Variants in LHFPL3 observed in about 807,000 individuals in gnomAD.
LHFPL3 encodes LHFPL tetraspan subfamily member 3, also known as LHFPL tetraspan subfamily member 3 protein.
A neutral mutation model predicts 19.3 loss-of-function variants in LHFPL3; 5 were observed. That is an observed-to-expected ratio of 0.26 (90% CI 0.14 to 0.54). LHFPL3 has a LOEUF of 0.54. Among genes scored for constraint, LHFPL3 ranks in the 20% least tolerant of loss-of-function variants. LHFPL3 has a pLI of 0.94. For synonymous variants in LHFPL3, 133 were observed against 126.2 expected, an observed-to-expected ratio of 1.05 and a Z score of -0.36; for missense variants, 249 against 307.4, an observed-to-expected ratio of 0.81 and a Z score of 1.42.
intron 1 of LHFPL3, among the ~76,000 whole-genome samples, chr7:104,339,968 A>G (rs1789914080): frequency 6.6e-6 from 1 of 152,182 alleles, no homozygotes; most frequent in African/African-American, 2.4e-5. Context: ...GGTGGTGAAG[A>G]TGGACAGAGT....
At chr7:104,456,871 G>A (rs1792552248) in intron 1 of LHFPL3, among the ~76,000 whole-genome samples, 2 of 152,152 alleles carry the variant, frequency 1.3e-5, no homozygotes, top group African/African-American at 4.8e-5. Context: ...CTACTTAGGT[G>A]CACCATTTAA....
At chr7:104,494,883 TA>T (rs964771659) in intron 1 of LHFPL3, among the ~76,000 whole-genome samples, 10 of 151,976 alleles carry the variant, frequency 6.6e-5, no homozygotes, top group African/African-American at 9.7e-5. Context: ...GGGGTACAAA[TA>T]CTAGATCCCC....
At chr7:104,589,867 C>A (rs1037668415) in intron 1 of LHFPL3, among the ~76,000 whole-genome samples, 2 of 152,136 alleles carry the variant, frequency 1.3e-5, no homozygotes, top group African/African-American at 2.4e-5. Context: ...AGGAATTTAT[C>A]CATTTCTTCT....
intron 1 of LHFPL3, among the ~76,000 whole-genome samples, chr7:104,468,585 C>G (rs1244592000): frequency 6.6e-6 from 1 of 151,784 alleles, no homozygotes; most frequent in Non-Finnish European, 1.5e-5. Context: ...GAGTTGCATA[C>G]AGCATATTTT....
At chr7:104,831,038 G>C (rs1304266954) in intron 2 of LHFPL3, among the ~76,000 whole-genome samples, 1 of 151,744 alleles carries the variant, frequency 6.6e-6, no homozygotes, top group African/African-American at 2.4e-5. Flanking sequence ...ACTCTTCCTT[G>C]GAAAAGGACT....
intron 1 of LHFPL3, among the ~76,000 whole-genome samples, chr7:104,390,351 C>A (rs1006236087): frequency 6.6e-6 from 1 of 151,384 alleles, no homozygotes; most frequent in Non-Finnish European, 1.5e-5. Flanking sequence ...CCCCACCCCA[C>A]AACAGGCCCC....
At chr7:104,346,712 T>C (rs1790073995) in intron 1 of LHFPL3, among the ~76,000 whole-genome samples, 1 of 152,006 alleles carries the variant, frequency 6.6e-6, no homozygotes, top group Non-Finnish European at 1.5e-5. Context: ...AATGAAATAA[T>C]AGAAATACTG....
chr7:104,446,989 A>G (rs10248725), intron 1 of LHFPL3, among the ~76,000 whole-genome samples: 37,364 of 152,150 alleles, frequency 0.25, 5,507 homozygotes, highest in African/African-American at 0.42. Context: ...TGATTTACTC[A>G]TACTAATAAA....
chr7:104,399,719 A>G lies in LHFPL3; in HGVS notation c.445+70495A>G, dbSNP rs113012510. Among the ~76,000 whole-genome samples the G allele has an allele frequency of 0.034, 4,709 of 137,786 alleles. 258 individuals carry two copies. The highest frequency in any genetic ancestry group is 0.12 in the African/African-American group (4,464 of 36,784). 90.4% of individuals were successfully genotyped at this position (137,786 alleles called of 152,430 possible). A position where few individuals can be genotyped will look rare whatever the true frequency, so the allele number is the denominator to read the frequency against. ...GAACTCCCAACCTCGTGCTCCGCCC[A>G]CCTCGGCCTCCCAAAGTGCTGGGAT... On this transcript the variant is annotated intron_variant, in intron 1 of 2. Transcript: ENST00000424859. The surrounding 1 kb of genome is among the most constrained non-coding windows in gnomAD (Gnocchi z 4.4).
At chr7:104,867,886 G>A (rs1034209352) in intron 2 of LHFPL3, among the ~76,000 whole-genome samples, 71 of 151,740 alleles carry the variant, frequency 4.7e-4, no homozygotes, top group African/African-American at 1.3e-3. Flanking sequence ...CACCATGATC[G>A]AGTGGGCTTC....
chr7:104,585,511 A>ACACACACACACACACACACACACACC (rs1790556135), intron 1 of LHFPL3, among the ~76,000 whole-genome samples: 1 of 151,182 alleles, frequency 6.6e-6, no homozygotes, highest in Non-Finnish European at 1.5e-5. Context: ...ACACACACAC[A>ACACACACACACACACACACACACACC]CACACACACA....
At chr7:104,567,312 C>G (rs998795758) in intron 1 of LHFPL3, among the ~76,000 whole-genome samples, 1 of 152,192 alleles carries the variant, frequency 6.6e-6, no homozygotes, top group African/African-American at 2.4e-5. Flanking sequence ...TTTTAGGCCC[C>G]CTAGATACAT....
rs1554425936 is a variant in LHFPL3, at chr7:104,695,133, T to TTA, written c.446-41542_446-41541insTA. 5.9e-5 allele frequency among the ~76,000 whole-genome samples: 9 copies of TTA among 151,900 alleles called. No homozygotes were observed. In the East Asian group the frequency reaches 9.7e-4, roughly 16 times the overall value. On this transcript the variant is annotated intron_variant, in intron 1 of 2. Transcript: ENST00000424859. The stretch of plus-strand genomic sequence containing the variant: ...GATTTCTTTCAATTAATTTTTTTTT[T>TTA]AAGACAGGTCTTGCTCTGTTGCCCA...
intron 2 of LHFPL3, among the ~76,000 whole-genome samples, chr7:104,844,564 C>T (rs1014383372): frequency 5.3e-5 from 8 of 152,128 alleles, no homozygotes; most frequent in African/African-American, 1.9e-4. Context: ...TCTTATTGAG[C>T]ATCTAAAATT....
At chr7:104,442,431 CT>C (rs1325027013) in intron 1 of LHFPL3, among the ~76,000 whole-genome samples, 1 of 152,092 alleles carries the variant, frequency 6.6e-6, no homozygotes, top group Non-Finnish European at 1.5e-5. Flanking sequence ...GACATATTAT[CT>C]GTTTAATTGA....
chr7:104,740,093 T>C (rs998046629), intron 2 of LHFPL3, among the ~76,000 whole-genome samples: 1 of 152,180 alleles, frequency 6.6e-6, no homozygotes, highest in East Asian at 1.9e-4. Context: ...TGTCTGGCAT[T>C]TCCCCCGCTG....
intron 1 of LHFPL3, among the ~76,000 whole-genome samples, chr7:104,341,256 G>A (rs1053226432): frequency 5.3e-5 from 8 of 152,148 alleles, no homozygotes; most frequent in Non-Finnish European, 1.2e-4. Flanking sequence ...AGGTTATGTT[G>A]TTCTATTTTT....
At chr7:104,583,531 G>A (rs1020556789) in intron 1 of LHFPL3, among the ~76,000 whole-genome samples, 19 of 152,278 alleles carry the variant, frequency 1.2e-4, no homozygotes, top group African/African-American at 4.6e-4. Context: ...GCAACCTACA[G>A]AATGGGGTAA....
intron 2 of LHFPL3, among the ~76,000 whole-genome samples, chr7:104,764,640 C>T (rs12537737): frequency 6.6e-6 from 1 of 151,988 alleles, no homozygotes. Flanking sequence ...GAAACTGCGC[C>T]TTATACAGTT....
Sources: gnomAD v4.1 joint callset for allele counts (sites outside exome capture counted in the v4.1 genomes callset) on GRCh38, gnomAD v4.1.1 for gene constraint, Gnocchi (gnomAD v3.1) non-coding constraint, MANE v1.5 for transcripts, NCBI Gene and HGNC (gene_info 2026-07-23, HGNC 2026-07-21) for gene names.